The following RANBP2 variants were observed in gnomAD, a reference collection of about 807,000 sequenced individuals.
The protein encoded by RANBP2 is RAN binding protein 2, also known as E3 SUMO-protein ligase RanBP2.
In RANBP2, 57 loss-of-function variants were observed where a neutral mutation model predicts 303.6. The observed-to-expected ratio is 0.19, with a 90% CI of 0.15 to 0.23. The LOEUF (loss-of-function observed/expected upper bound fraction) is 0.23. RANBP2 is among the 10% of genes least tolerant of loss of function. The pLI is 1.00. For synonymous variants in RANBP2, 1,167 were observed against 1,301.5 expected (o/e 0.90, Z 2.23); for missense variants, 3,138 against 3,780.8 (o/e 0.83, Z 4.46).
the RANBP2 span, among the ~76,000 whole-genome samples, chr2:109,492,046 T>C: frequency 6.6e-6 from 1 of 152,182 alleles, no homozygotes; most frequent in African/African-American, 2.4e-5. Flanking sequence ...TGGTAAACAC[T>C]GCAGATGTTG....
the RANBP2 span, among the ~76,000 whole-genome samples, chr2:109,157,261 A>T: frequency 1.3e-5 from 2 of 152,218 alleles, no homozygotes; most frequent in African/African-American, 4.8e-5. Context: ...ACTTGCAGTC[A>T]GGCCAGCAGA....
the RANBP2 span, among the ~76,000 whole-genome samples, chr2:108,983,545 A>G: frequency 6.6e-6 from 1 of 152,076 alleles, no homozygotes; most frequent in South Asian, 2.1e-4. Context: ...ACCAGACATC[A>G]AGTCAACAAT....
At chr2:109,044,371 A>G in the RANBP2 span, among the ~76,000 whole-genome samples, 2 of 151,874 alleles carry the variant, frequency 1.3e-5, no homozygotes, top group Admixed American at 1.3e-4. Context: ...AAAATACAAA[A>G]AATTAGCTGG....
chr2:109,593,110 A>G, the RANBP2 span: 2 of 1,597,646 alleles, frequency 1.3e-6, no homozygotes, highest in Non-Finnish European at 1.7e-6. Context: ...GCCATGTGAG[A>G]CTGAAAGAGC....
chr2:109,636,769 C>T, the RANBP2 span, among the ~76,000 whole-genome samples: 10 of 152,114 alleles, frequency 6.6e-5, no homozygotes, highest in Non-Finnish European at 1.2e-4. Context: ...GAAACCCCGT[C>T]ACTACCAAAA....
chr2:109,728,832 G>A, the RANBP2 span, among the ~76,000 whole-genome samples: 2 of 151,706 alleles, frequency 1.3e-5, no homozygotes, highest in African/African-American at 2.4e-5. Context: ...AAAAAGCCCC[G>A]ATTACTGATT....
chr2:109,474,433 G>A, the RANBP2 span, among the ~76,000 whole-genome samples: 215 of 152,284 alleles, frequency 1.4e-3, no homozygotes, highest in Non-Finnish European at 2.2e-3. Context: ...TTCCACTGTG[G>A]ATGCAGCTCG....
chr2:108,808,788 A>G, the RANBP2 span, among the ~76,000 whole-genome samples: 46 of 152,162 alleles, frequency 3.0e-4, 2 homozygotes, highest in African/African-American at 1.1e-3. Context: ...ATTTTCTCCT[A>G]TTCTGCAGGT....
the RANBP2 span, among the ~76,000 whole-genome samples, chr2:109,296,137 C>T: frequency 1.3e-5 from 2 of 152,112 alleles, no homozygotes; most frequent in Admixed American, 1.3e-4. Flanking sequence ...CTGTGCGCAG[C>T]CCCCAACCCC....
the RANBP2 span, among the ~76,000 whole-genome samples, chr2:109,279,939 G>C: frequency 1.3e-5 from 2 of 152,024 alleles, no homozygotes; most frequent in African/African-American, 4.8e-5. Context: ...GTAAGAGGTG[G>C]AGGGTGAGGG....
the RANBP2 span, among the ~76,000 whole-genome samples, chr2:108,966,587 G>GAGTT: frequency 6.6e-6 from 1 of 152,242 alleles, no homozygotes. Flanking sequence ...AGTCATCAGA[G>GAGTT]AGTTCTACGG....
the RANBP2 span, among the ~76,000 whole-genome samples, chr2:108,973,923 T>G: frequency 6.6e-6 from 1 of 152,178 alleles, no homozygotes; most frequent in African/African-American, 2.4e-5. Flanking sequence ...TTAAACCAAT[T>G]ACGGAGCTGT....
the RANBP2 span, among the ~76,000 whole-genome samples, chr2:109,671,244 G>T: frequency 6.6e-6 from 1 of 152,212 alleles, no homozygotes; most frequent in African/African-American, 2.4e-5. Context: ...GTTGGTGGTG[G>T]TGACAGAGAC....
At chr2:108,841,708 G>T in the RANBP2 span, among the ~76,000 whole-genome samples, 2 of 151,674 alleles carry the variant, frequency 1.3e-5, no homozygotes, top group Non-Finnish European at 2.9e-5. Context: ...TGTTTTAATT[G>T]GTGTTTTAGG....
chr2:109,523,708 C>A, the RANBP2 span, among the ~76,000 whole-genome samples: 2 of 152,164 alleles, frequency 1.3e-5, no homozygotes, highest in East Asian at 3.9e-4. Flanking sequence ...ATCTGCCCAC[C>A]CCCAGCCCCA....
the RANBP2 span, among the ~76,000 whole-genome samples, chr2:109,264,321 CT>C: frequency 1.3e-5 from 2 of 149,282 alleles, no homozygotes; most frequent in Non-Finnish European, 3.0e-5. Context: ...TCTGTGTGTG[CT>C]CCCCGTTCAC....
chr2:109,394,714 G>A, the RANBP2 span, among the ~76,000 whole-genome samples: 3 of 152,242 alleles, frequency 2.0e-5, no homozygotes, highest in Non-Finnish European at 4.4e-5. Context: ...GACGCCACAT[G>A]CAGATAGAGC....
At chr2:109,685,195 A>G in the RANBP2 span, among the ~76,000 whole-genome samples, 243 of 152,304 alleles carry the variant, frequency 1.6e-3, 4 homozygotes, top group African/African-American at 5.5e-3. Flanking sequence ...TAATAGCTGC[A>G]TACTGTTCCA....
At chr2:108,721,648 T>C (rs1335985103) in intron 1 of RANBP2, among the ~76,000 whole-genome samples, 4 of 152,122 alleles carry the variant, frequency 2.6e-5, no homozygotes, top group African/African-American at 4.8e-5. Context: ...GGTTTCACCA[T>C]GTTGCCCAGG....
Sources: gnomAD v4.1 joint callset for allele counts (sites outside exome capture counted in the v4.1 genomes callset) on GRCh38, gnomAD v4.1.1 for gene constraint, MANE v1.5 for transcripts, NCBI Gene and HGNC (gene_info 2026-07-23, HGNC 2026-07-21) for gene names.